Variants in MTX2 observed in about 807,000 individuals in gnomAD.
MTX2 encodes the protein metaxin 2, also known as metaxin-2.
A neutral mutation model predicts 42.3 loss-of-function variants in MTX2; 35 were observed. The observed-to-expected ratio is 0.83, with a 90% CI of 0.63 to 1.10. The LOEUF is 1.10. Among genes scored for constraint, MTX2 ranks in the 50% least tolerant of loss-of-function variants. MTX2 has a pLI of 0.00. For missense variants in MTX2, 307 were observed against 304.1 expected (o/e 1.01, Z -0.07); for synonymous variants, 119 against 100.9 (o/e 1.18, Z -1.08).
At chr2:176,284,807 A>T (rs1165015503) in intron 1 of MTX2, among the ~76,000 whole-genome samples, 2 of 152,190 alleles carry the variant, frequency 1.3e-5, no homozygotes, top group Non-Finnish European at 2.9e-5. Flanking sequence ...AAAAGAACAT[A>T]ATCTTATCTC....
At chr2:176,323,526 C>G in intron 4 of MTX2, 62 bp downstream of exon 4, 1 of 1,435,718 alleles carries the variant, frequency 7.0e-7, no homozygotes, top group South Asian at 1.2e-5. Flanking sequence ...TAGTGATAGT[C>G]CAGTTTGTAT....
intron 3 of MTX2, among the ~76,000 whole-genome samples, chr2:176,321,052 CTCCATTATTTTTTTTCTCTTTG>C (rs1190907479): frequency 1.3e-5 from 2 of 152,066 alleles, no homozygotes; most frequent in African/African-American, 4.8e-5. Flanking sequence ...TTCAGCCTAT[CTCCATTATTTTTTTTCTCTTTG>C]TGTTTTAATA....
intron 3 of MTX2, among the ~76,000 whole-genome samples, chr2:176,306,996 G>A (rs1268029300): frequency 6.6e-6 from 1 of 152,156 alleles, no homozygotes; most frequent in Non-Finnish European, 1.5e-5. Flanking sequence ...CCTGTGTCCT[G>A]AATGGTATTG....
At chr2:176,296,458 A>T (rs772051303) in intron 1 of MTX2, among the ~76,000 whole-genome samples, 7 of 152,128 alleles carry the variant, frequency 4.6e-5, no homozygotes, top group Non-Finnish European at 8.8e-5. Context: ...TAAAAATATT[A>T]TTTCACTACA....
chr2:176,289,574 A>G (rs1693280347), intron 1 of MTX2, among the ~76,000 whole-genome samples: 1 of 152,088 alleles, frequency 6.6e-6, no homozygotes, highest in South Asian at 2.1e-4. Context: ...TATCTGCAGT[A>G]TAGGGATATA....
chr2:176,271,121 C>T (rs534389153), intron 1 of MTX2, among the ~76,000 whole-genome samples: 1 of 152,072 alleles, frequency 6.6e-6, no homozygotes, highest in Non-Finnish European at 1.5e-5. Flanking sequence ...AATTTCTAGG[C>T]ATTTTGTCTG....
At chr2:176,295,958 A>G (rs558808366) in intron 1 of MTX2, among the ~76,000 whole-genome samples, 15 of 152,302 alleles carry the variant, frequency 9.8e-5, no homozygotes, top group Non-Finnish European at 1.8e-4. Context: ...TTATGTTATT[A>G]AAATGGGTGA....
In MTX2 at chr2:176,337,542, A is replaced by G. The variant is rs567371530; in HGVS notation, c.670A>G (p.Thr224Ala). 9.9e-6 allele frequency: 16 copies of G among 1,613,238 alleles called. No homozygotes were observed. The East Asian group carries it at 2.7e-4, about 27-fold the overall frequency. ...ATTTGGCCATCTATACACCATTCTT[A>G]CCACACAATTGACAAATGATGAACT... ...LVFGHLYTIL[T>A]TQLTNDELSE... Residue 224 changes from threonine (T) to alanine (A), a missense_variant, in exon 10 of 10, where the codon ACC becomes GCC. Thr to Ala is a moderately conservative substitution (Grantham distance 58, BLOSUM62 0). Transcript: ENST00000249442.
rs148624068 is a variant in MTX2 at position 176,308,999 on chromosome 2, G to C, written c.135+11104G>C. ...TTGTGATGTTAGGGTGTCGATTTTA[G>C]AACTTTCCTGCTTTCTCTTGTCGGC... On this transcript the variant is annotated intron_variant, in intron 3 of 9. Transcript: ENST00000249442. Among the ~76,000 whole-genome samples, 957 of 152,212 alleles carry C rather than the reference G, an allele frequency of 6.3e-3. 11 individuals carry two copies. Among genetic ancestry groups the C allele is most frequent in the African/African-American group, 0.022 (899 of 41,544 alleles).
chr2:176,292,015 C>T (rs1693340273), intron 1 of MTX2, among the ~76,000 whole-genome samples: 1 of 152,186 alleles, frequency 6.6e-6, no homozygotes, highest in Non-Finnish European at 1.5e-5. Flanking sequence ...AAGAACCACA[C>T]ATAACTATTG....
At chr2:176,309,968 G>A (rs1034006488) in intron 3 of MTX2, among the ~76,000 whole-genome samples, 4 of 151,870 alleles carry the variant, frequency 2.6e-5, no homozygotes, top group Admixed American at 2.0e-4. Flanking sequence ...TGGTTATTTT[G>A]CCTGTTAATT....
chr2:176,304,188 C>T (rs1684091253), intron 3 of MTX2: 1 of 154,308 alleles, frequency 6.5e-6, no homozygotes, highest in Non-Finnish European at 1.5e-5. Flanking sequence ...GATGAAATTA[C>T]CCTTGAATGA....
chr2:176,296,084 A>T (rs16863674), intron 1 of MTX2, among the ~76,000 whole-genome samples: 4,035 of 152,250 alleles, frequency 0.027, 162 homozygotes, highest in African/African-American at 0.091. Context: ...ACAAAATTCA[A>T]ATCTAGTACT....
intron 1 of MTX2, among the ~76,000 whole-genome samples, chr2:176,280,228 A>G (rs1349637841): frequency 6.6e-6 from 1 of 152,196 alleles, no homozygotes; most frequent in Non-Finnish European, 1.5e-5. Context: ...CAAAGATTCA[A>G]GATATTGGAT....
intron 3 of MTX2, among the ~76,000 whole-genome samples, chr2:176,312,754 T>A (rs1684345029): frequency 6.6e-6 from 1 of 150,798 alleles, no homozygotes; most frequent in African/African-American, 2.4e-5. Flanking sequence ...TCCCAGCTAC[T>A]CGTGAGGCTG....
intron 3 of MTX2, among the ~76,000 whole-genome samples, chr2:176,301,310 G>A (rs1375297844): frequency 4.6e-5 from 7 of 151,942 alleles, no homozygotes; most frequent in Admixed American, 3.9e-4. Context: ...AAGATGCTTC[G>A]CCCACATTTC....
intron 1 of MTX2, among the ~76,000 whole-genome samples, chr2:176,289,770 G>A (rs1693287513): frequency 6.6e-6 from 1 of 151,992 alleles, no homozygotes; most frequent in African/African-American, 2.4e-5. Flanking sequence ...TTTCTAAAAG[G>A]TGGGTAGTTT....
At chr2:176,301,161 AG>A (rs775420626) in intron 3 of MTX2, among the ~76,000 whole-genome samples, 34 of 152,294 alleles carry the variant, frequency 2.2e-4, no homozygotes, top group Non-Finnish European at 4.1e-4. Context: ...ATTTTAAAAC[AG>A]TATTTATTGA....
intron 1 of MTX2, among the ~76,000 whole-genome samples, chr2:176,292,550 C>A (rs1693352254): frequency 6.6e-6 from 1 of 151,888 alleles, no homozygotes; most frequent in Non-Finnish European, 1.5e-5. Flanking sequence ...TATTCCCAAA[C>A]CAACAAATAA....
Sources: gnomAD v4.1 joint callset for allele counts (sites outside exome capture counted in the v4.1 genomes callset) on GRCh38, gnomAD v4.1.1 for gene constraint, MANE v1.5 for transcripts, NCBI Gene and HGNC (gene_info 2026-07-23, HGNC 2026-07-21) for gene names.